Variants in CFAP20DC observed in about 807,000 individuals in gnomAD.
CFAP20DC encodes the protein protein CFAP20DC.
Under a neutral mutation model 101.7 loss-of-function variants are expected in CFAP20DC, and 84 were observed. That is an observed-to-expected ratio of 0.83 (90% confidence interval 0.69 to 0.99). The LOEUF (loss-of-function observed/expected upper bound fraction) is 0.99. Ranked by LOEUF, CFAP20DC falls within the 50% of genes least tolerant of loss-of-function variation. The pLI is 0.00. For synonymous variants in CFAP20DC, 359 were observed against 351.2 expected (o/e 1.02, Z -0.25); for missense variants, 1,007 against 970.3 (o/e 1.04, Z -0.50).
chr3:59,021,220 A>T (rs1289441176), intron 4 of CFAP20DC, among the ~76,000 whole-genome samples: 1 of 152,136 alleles, frequency 6.6e-6, no homozygotes, highest in Non-Finnish European at 1.5e-5. Context: ...CAGTGCATCT[A>T]AATTAAGACA....
Position 58,863,047 on chromosome 3 carries a change from G to A in CFAP20DC, c.1593+511C>T, listed in dbSNP as rs544192115. On this transcript the variant is annotated intron_variant, in intron 12 of 16. Coordinates refer to ENST00000482387, the MANE Select transcript of CFAP20DC (RefSeq NM_001394063.1). The surrounding 1 kb of genome is among the most constrained non-coding windows in gnomAD (Gnocchi z 5.9). Reference sequence around the variant, plus strand: ...AAGGCAAGTCCCAGCACTAATCCACGACTCATTATCTAAACTTTAATTGGC... The same window carrying A: ...AAGGCAAGTCCCAGCACTAATCCACAACTCATTATCTAAACTTTAATTGGC... The A allele has an allele frequency of 4.0e-6, 4 of 988,870 alleles. No individual in the cohort carries two copies. The highest frequency in any genetic ancestry group is 3.6e-6 in the Non-Finnish European group (3 of 832,612). The allele number at this position is 988,870 out of a possible 1,614,324, so 61.3% of individuals were successfully genotyped here.
In CFAP20DC at chr3:58,847,641, A is replaced by G. The variant is rs549090697; in HGVS notation, c.1971+1391T>C. Reference sequence around the variant, plus strand: ...TCAGGGATCTAGAACTGGAAATACCATTTGACCCAGCCATCCCATTACTGG... The same window carrying G: ...TCAGGGATCTAGAACTGGAAATACCGTTTGACCCAGCCATCCCATTACTGG... On this transcript the variant is annotated intron_variant, in intron 13 of 16. Transcript: ENST00000482387. Among the ~76,000 whole-genome samples, 5 of 151,788 alleles carry G rather than the reference A, an allele frequency of 3.3e-5. No individual in the cohort carries two copies. In the South Asian group the frequency reaches 1.1e-3, roughly 32 times the overall value.
In CFAP20DC at chr3:58,788,428, G is replaced by A. The variant is rs1188577667; in HGVS notation, c.2237+17967C>T. Among the ~76,000 whole-genome samples, 3 of 152,104 alleles carry A rather than the reference G, an allele frequency of 2.0e-5. No homozygotes were observed. The highest frequency in any genetic ancestry group is 6.6e-5 in the Admixed American group (1 of 15,256). On this transcript the variant is annotated intron_variant, in intron 15 of 16. Coordinates refer to ENST00000482387, the MANE Select transcript of CFAP20DC (RefSeq NM_001394063.1). The surrounding 1 kb of genome is among the most constrained non-coding windows in gnomAD (Gnocchi z 4.2). ...GACAGCGCTGTATGAGAAGTAATGG[G>A]GAGCAAATGGGGAATCAACGAGAAA...
At chr3:58,870,894 CAAAAAAA>C (rs548763648) in intron 7 of CFAP20DC, among the ~76,000 whole-genome samples, 22 of 18,936 alleles carry the variant, frequency 1.2e-3, no homozygotes, top group East Asian at 0.011. Context: ...GACTCCGTCT[CAAAAAAA>C]AAAAAAAAAA....
intron 6 of CFAP20DC, among the ~76,000 whole-genome samples, chr3:58,910,149 G>C (rs2084003145): frequency 6.6e-6 from 1 of 152,054 alleles, no homozygotes; most frequent in South Asian, 2.1e-4. Context: ...ATGGGCATTT[G>C]GGTTGATTCC....
intron 5 of CFAP20DC, among the ~76,000 whole-genome samples, chr3:58,918,535 T>C (rs147601042): frequency 1.2e-4 from 19 of 152,332 alleles, no homozygotes; most frequent in Middle Eastern, 3.4e-3. Flanking sequence ...AATCCACTCA[T>C]AGGGCTACAT....
intron 15 of CFAP20DC, among the ~76,000 whole-genome samples, chr3:58,782,929 CACGTAAGA>C (rs2071974286): frequency 6.6e-6 from 1 of 151,696 alleles, no homozygotes; most frequent in African/African-American, 2.4e-5. Flanking sequence ...TGTATTCAGC[CACGTAAGA>C]ACCTGAATAG....
chr3:58,955,032 C>A (rs929823403), intron 4 of CFAP20DC, among the ~76,000 whole-genome samples: 1 of 151,456 alleles, frequency 6.6e-6, no homozygotes, highest in Non-Finnish European at 1.5e-5. Context: ...AATTTACATG[C>A]CACAAAATTT....
At chr3:58,908,711 C>A (rs2083850122) in intron 6 of CFAP20DC, among the ~76,000 whole-genome samples, 1 of 152,132 alleles carries the variant, frequency 6.6e-6, no homozygotes, top group Admixed American at 6.5e-5. Flanking sequence ...ATGTTTATAA[C>A]AGTTTTATTC....
chr3:58,848,417 G>T (rs1312614840), intron 13 of CFAP20DC, among the ~76,000 whole-genome samples: 2 of 152,080 alleles, frequency 1.3e-5, no homozygotes, highest in Non-Finnish European at 2.9e-5. Flanking sequence ...CATGTCATTT[G>T]TTATGCATAG....
Position 58,884,676 on chromosome 3 carries a change from G to T in CFAP20DC, c.584C>A (p.Pro195His). The part of the protein sequence containing the change: ...VYGVPFSTDE[P>H]TDIIPRSCQL... ...ACAGCTTCGTGGTATAATATCTGTAGGCTCATCTGTTGAAAAGGGAACACC... is the reference window on the plus strand; with the variant it reads ...ACAGCTTCGTGGTATAATATCTGTATGCTCATCTGTTGAAAAGGGAACACC... Residue 195 changes from proline (P) to histidine (H), a missense_variant, in exon 7 of 17, where the codon CCT (proline) becomes CAT (histidine). Pro to His is a moderately conservative substitution (Grantham distance 77). Coordinates refer to ENST00000482387, the MANE Select transcript of CFAP20DC (RefSeq NM_001394063.1). 6.2e-7 allele frequency: 1 copy of T among 1,613,610 alleles called. No homozygotes were observed. The highest frequency in any genetic ancestry group is 1.1e-5 in the South Asian group (1 of 91,016).
chr3:58,791,896 T>C (rs1231297276), intron 15 of CFAP20DC, among the ~76,000 whole-genome samples: 1 of 152,192 alleles, frequency 6.6e-6, no homozygotes, highest in African/African-American at 2.4e-5. Flanking sequence ...TAGGCCCTTA[T>C]GCTCCTAATT....
At chr3:58,940,681 T>C (rs959068778) in intron 4 of CFAP20DC, among the ~76,000 whole-genome samples, 26 of 152,248 alleles carry the variant, frequency 1.7e-4, no homozygotes, top group Admixed American at 1.2e-3. Context: ...ACTATCTTGA[T>C]TACTGTAGAT....
chr3:58,896,084 C>T (rs2082649432), intron 6 of CFAP20DC, among the ~76,000 whole-genome samples: 1 of 152,200 alleles, frequency 6.6e-6, no homozygotes, highest in Non-Finnish European at 1.5e-5. Flanking sequence ...TGTTATTCGC[C>T]TGTTCAGTGA....
At chr3:58,735,873 ACCACAGC>A (rs2067742146) in intron 3 of CFAP20DC, among the ~76,000 whole-genome samples, 1 of 152,228 alleles carries the variant, frequency 6.6e-6, no homozygotes, top group African/African-American at 2.4e-5. Context: ...GTATTTGCTG[ACCACAGC>A]CGATTATAAC....
chr3:59,036,969 A>C (rs1439838181), intron 4 of CFAP20DC, among the ~76,000 whole-genome samples: 1 of 152,222 alleles, frequency 6.6e-6, no homozygotes, highest in Non-Finnish European at 1.5e-5. Context: ...GGCCTCAGAA[A>C]TGATGCTACA....
chr3:59,003,800 C>G (rs1330751831), intron 4 of CFAP20DC, among the ~76,000 whole-genome samples: 1 of 152,176 alleles, frequency 6.6e-6, no homozygotes, highest in East Asian at 1.9e-4. Context: ...GTAGAGGAAC[C>G]TATAATGAAA....
intron 4 of CFAP20DC, among the ~76,000 whole-genome samples, chr3:58,995,611 T>C (rs1354377860): frequency 6.6e-6 from 1 of 152,144 alleles, no homozygotes; most frequent in Non-Finnish European, 1.5e-5. Flanking sequence ...TGGTTAAACA[T>C]TATTTTGGGT....
chr3:58,934,135 T>C (rs1275089162), intron 5 of CFAP20DC, among the ~76,000 whole-genome samples: 3 of 152,210 alleles, frequency 2.0e-5, no homozygotes, highest in African/African-American at 7.2e-5. Flanking sequence ...CAGAGAATAC[T>C]ACAAACACCT....
Sources: allele counts gnomAD v4.1 joint callset (sites outside exome capture counted in the v4.1 genomes callset), GRCh38; gene constraint gnomAD v4.1.1; non-coding constraint Gnocchi (gnomAD v3.1); transcripts MANE v1.5; gene names NCBI Gene and HGNC (gene_info 2026-07-23, HGNC 2026-07-21).